The following STMND1 variants were observed in gnomAD, a reference collection of about 807,000 sequenced individuals.
STMND1 encodes stathmin domain containing 1.
In STMND1, 17 loss-of-function variants were observed where a neutral mutation model predicts 23.0. The ratio of observed to expected loss-of-function variants is 0.74; its 90% CI spans 0.51 to 1.11. STMND1 has a LOEUF of 1.11. STMND1 is among the 50% of genes least tolerant of loss of function. The pLI, the probability that STMND1 is intolerant of heterozygous loss-of-function variation, is 0.00. For missense variants in STMND1, 305 were observed against 329.1 expected (o/e 0.93, Z 0.57); for synonymous variants, 114 against 119.9 (o/e 0.95, Z 0.32).
At chr6:17,103,808 G>A (rs1760978374) in intron 1 of STMND1, among the ~76,000 whole-genome samples, 1 of 151,886 alleles carries the variant, frequency 6.6e-6, no homozygotes, top group South Asian at 2.1e-4. Flanking sequence ...CTGACCTCGT[G>A]ATCCACCCGC....
intron 3 of STMND1, among the ~76,000 whole-genome samples, chr6:17,127,301 G>C (rs1195456590): frequency 1.3e-5 from 2 of 152,218 alleles, no homozygotes; most frequent in Admixed American, 1.3e-4. Context: ...TGTAATCCCA[G>C]CACTTTGGGA....
intron 3 of STMND1, among the ~76,000 whole-genome samples, chr6:17,126,037 TATATA>T (rs1761290920): frequency 3.9e-5 from 1 of 25,920 alleles, no homozygotes; most frequent in African/African-American, 2.0e-4. Context: ...CATTGTTTTA[TATATA>T]TATATATATA....
chr6:17,117,077 G>GT lies in STMND1; in HGVS notation c.259+1946dup, dbSNP rs200390787. On this transcript the variant is annotated intron_variant, in intron 2 of 4. Transcript: ENST00000536551. ...TTGGGAAATTACCTTTTTTTTGTTTGTTTTTTTTGAGACGGAGTTTTTCTC... is the reference window on the plus strand; with the variant it reads ...TTGGGAAATTACCTTTTTTTTGTTTGTTTTTTTTTGAGACGGAGTTTTTCTC... Among the ~76,000 whole-genome samples the GT allele has an allele frequency of 6.1e-3, 929 of 151,216 alleles. 8 individuals are homozygous for GT. The highest frequency in any genetic ancestry group is 0.022 in the African/African-American group (888 of 41,228).
At chr6:17,108,623 G>T (rs1403363809) in intron 1 of STMND1, among the ~76,000 whole-genome samples, 1 of 152,018 alleles carries the variant, frequency 6.6e-6, no homozygotes, top group Admixed American at 6.6e-5. Flanking sequence ...CATGACTTAC[G>T]TGATGTGCAT....
chr6:17,110,693 G>C, intron 1 of STMND1: 1 of 393,250 alleles, frequency 2.5e-6, no homozygotes, highest in East Asian at 7.4e-5. Flanking sequence ...ACTTGAACCC[G>C]AGAGGCAGAG....
At position 17,102,232 on chromosome 6, in the gene STMND1, G is replaced by A; in HGVS notation, c.-26G>A. The A allele has an allele frequency of 4.0e-6, 6 of 1,517,776 alleles. 1 individual carries two copies. Among genetic ancestry groups the A allele is most frequent in the Non-Finnish European group, 5.3e-6 (6 of 1,139,408 alleles). The allele number at this position is 1,517,776 out of a possible 1,614,324, so 94.0% of individuals were successfully genotyped here. On this transcript the variant is annotated 5_prime_UTR_variant, in exon 1 of 5. Coordinates refer to ENST00000536551, the MANE Select transcript of STMND1 (RefSeq NM_001190766.2). ...GCGGGGGCGCACAGCAGCCAAGCCCGCGGAGGAGGAGCGCGCGCGCGCAGC... is the reference window on the plus strand; with the variant it reads ...GCGGGGGCGCACAGCAGCCAAGCCCACGGAGGAGGAGCGCGCGCGCGCAGC...
At chr6:17,130,562 G>C (rs557117024) in intron 4 of STMND1, 32 bp from the exon 5 acceptor site, 4 of 1,441,928 alleles carry the variant, frequency 2.8e-6, no homozygotes, top group African/African-American at 2.9e-5. Context: ...AGTTATTCAC[G>C]CTCTTTTTCA....
At position 17,120,630 on chromosome 6, in the gene STMND1, A is replaced by C. The variant is rs1198662869; in HGVS notation, c.283A>C (p.Asn95His). Residue 95 changes from asparagine to histidine, a missense_variant, in exon 3 of 5, where the codon AAT becomes CAT. Transcript: ENST00000536551. ...AGACCTAGTGACCAATGGATTAATC[A>C]ATAAACCCCAATCCCTAGAGAGTCG... ...NSDLVTNGLI[N>H]KPQSLESRER... 1.3e-6 allele frequency: 2 copies of C among 1,523,254 alleles called. No homozygotes were observed. The highest frequency in any genetic ancestry group is 2.8e-5 in the African/African-American group (2 of 72,072). The allele number at this position is 1,523,254 out of a possible 1,614,324, so 94.4% of individuals were successfully genotyped here. A position where few individuals can be genotyped will look rare whatever the true frequency, so the allele number is the denominator to read the frequency against.
chr6:17,108,621 A>G (rs956976050), intron 1 of STMND1, among the ~76,000 whole-genome samples: 3 of 152,106 alleles, frequency 2.0e-5, no homozygotes, highest in African/African-American at 7.2e-5. Flanking sequence ...AACATGACTT[A>G]CGTGATGTGC....
intron 3 of STMND1, among the ~76,000 whole-genome samples, chr6:17,125,494 G>A (rs1316595747): frequency 6.6e-6 from 1 of 152,156 alleles, no homozygotes; most frequent in Non-Finnish European, 1.5e-5. Context: ...TCTGTGTCTG[G>A]TCAAAGTTTA....
At chr6:17,120,249 G>C (rs1032161111) in intron 2 of STMND1, among the ~76,000 whole-genome samples, 2 of 152,168 alleles carry the variant, frequency 1.3e-5, no homozygotes, top group Non-Finnish European at 1.5e-5. Flanking sequence ...AAGAGTATCT[G>C]ATTCTTAGCT....
intron 1 of STMND1, among the ~76,000 whole-genome samples, chr6:17,114,589 C>T (rs541030037): frequency 2.0e-5 from 3 of 152,274 alleles, no homozygotes; most frequent in East Asian, 1.9e-4. Context: ...ACAAGGAGTA[C>T]GCAACCTAGA....
chr6:17,126,054 ATATATATATATATATATTTTTTTTTTTT>A (rs1484192595), intron 3 of STMND1, among the ~76,000 whole-genome samples: 6 of 24,102 alleles, frequency 2.5e-4, no homozygotes. Flanking sequence ...ATATATATAT[ATATATATATATATATATTTTTTTTTTTT>A]TTTTTTTTTT....
Position 17,114,982 on chromosome 6 carries a change from T to C in STMND1, c.102T>C (p.His34=), listed in dbSNP as rs1761138376. Residue 34 remains histidine (H), a synonymous_variant, in exon 2 of 5, where the codon CAT becomes CAC. Transcript: ENST00000536551. Reference sequence around the variant, plus strand: ...CACAGGCTGATGTCAGTGTGCCTCATACTGGGGAAAATTGCAGCCCCCGGA... The same window carrying C: ...CACAGGCTGATGTCAGTGTGCCTCACACTGGGGAAAATTGCAGCCCCCGGA... ...EEFKADVSVP[H]TGENCSPRME... 2 of 1,530,408 alleles carry C rather than the reference T, an allele frequency of 1.3e-6. No individual in the cohort carries two copies. The highest frequency in any genetic ancestry group is 8.7e-7 in the Non-Finnish European group (1 of 1,145,346). The allele number at this position is 1,530,408 out of a possible 1,614,324, so 94.8% of individuals were successfully genotyped here. A position where few individuals can be genotyped will look rare whatever the true frequency, so the allele number is the denominator to read the frequency against.
At chr6:17,129,319 T>C (rs775733508) in intron 4 of STMND1, 76 bp downstream of exon 4, 69 of 1,437,548 alleles carry the variant, frequency 4.8e-5, no homozygotes, top group Middle Eastern at 3.9e-4. Context: ...AGCTTTCCTA[T>C]CAGCAGTTTT....
At chr6:17,108,508 G>C (rs898296949) in intron 1 of STMND1, among the ~76,000 whole-genome samples, 5 of 152,116 alleles carry the variant, frequency 3.3e-5, no homozygotes, top group African/African-American at 1.2e-4. Context: ...ATCAAAAAAT[G>C]ATGGATCTGC....
intron 2 of STMND1, among the ~76,000 whole-genome samples, chr6:17,115,372 T>TAAAAAAAAAAAAAA (rs75171969): frequency 1.7e-5 from 2 of 116,098 alleles, no homozygotes; most frequent in Admixed American, 9.2e-5. Flanking sequence ...GGACCATCTT[T>TAAAAAAAAAAAAAA]AAAAAAAAAA....
chr6:17,124,107 G>A (rs1297021438), intron 3 of STMND1, among the ~76,000 whole-genome samples: 2 of 150,744 alleles, frequency 1.3e-5, no homozygotes. Flanking sequence ...GAAGTCAAGG[G>A]AAACAAAAAA....
chr6:17,115,231 A>C, intron 2 of STMND1, 92 bp downstream of exon 2: 1 of 1,265,912 alleles, frequency 7.9e-7, no homozygotes, highest in Non-Finnish European at 1.1e-6. Flanking sequence ...TCCTTTTATC[A>C]TTGCTTTCTG....
Sources: allele counts gnomAD v4.1 joint callset (sites outside exome capture counted in the v4.1 genomes callset), GRCh38; gene constraint gnomAD v4.1.1; transcripts MANE v1.5; gene names NCBI Gene and HGNC (gene_info 2026-07-23, HGNC 2026-07-21).